FXN: variants seen among roughly 807,000 people sequenced by gnomAD.
FXN encodes the protein frataxin, also known as frataxin, mitochondrial.
Under a neutral mutation model 22.4 loss-of-function variants are expected in FXN, and 14 were observed. The observed-to-expected ratio is 0.62, with a 90% confidence interval of 0.41 to 0.98. The LOEUF (loss-of-function observed/expected upper bound fraction) is 0.98, where lower values mean the gene tolerates loss of function less well. Ranked by LOEUF, FXN falls within the 50% of genes least tolerant of loss-of-function variation. The pLI is 0.00. For synonymous variants in FXN, 120 were observed against 114.1 expected (o/e 1.05, Z -0.33); for missense variants, 267 against 268.4 (o/e 0.99, Z 0.04).
chr9:69,035,992 C>G, intron 1 of FXN, 45 bp downstream of exon 1: 1 of 1,311,150 alleles, frequency 7.6e-7, no homozygotes, highest in East Asian at 3.3e-5. Context: ...ACGCCGCGGG[C>G]CGCACGCCGC....
chr9:69,072,002 G>A (rs1411676), intron 4 of FXN, among the ~76,000 whole-genome samples: 75,057 of 152,036 alleles, frequency 0.49, 18,869 homozygotes, highest in East Asian at 0.65. Flanking sequence ...TGCATGTATC[G>A]TACCATTTCA....
At chr9:69,049,147 G>T (rs543163058) in intron 2 of FXN, among the ~76,000 whole-genome samples, 1 of 152,136 alleles carries the variant, frequency 6.6e-6, no homozygotes, top group African/African-American at 2.4e-5. Flanking sequence ...AAGACAGCCC[G>T]CTTCTGCCAG....
intron 1 of FXN, among the ~76,000 whole-genome samples, chr9:69,038,365 C>G (rs954459615): frequency 1.3e-5 from 2 of 152,146 alleles, no homozygotes; most frequent in East Asian, 3.8e-4. Flanking sequence ...TTCTCCACCC[C>G]TTGCATCTAC....
At position 69,076,860 on chromosome 9, in the gene FXN, A is replaced by T. The variant is rs1381177714; in HGVS notation, c.*4098A>T. 1.0e-6 allele frequency: 1 copy of T among 985,386 alleles called. No homozygotes were observed. The highest frequency in any genetic ancestry group is 1.2e-6 in the Non-Finnish European group (1 of 829,980). 61.0% of individuals were successfully genotyped at this position (985,386 alleles called of 1,614,324 possible). Reference sequence around the variant, plus strand: ...AGGAGGGGCAAAGTTTTGAAATTTCATGTAAATTTATGCTGTTCAAAACGA... The same window carrying T: ...AGGAGGGGCAAAGTTTTGAAATTTCTTGTAAATTTATGCTGTTCAAAACGA... On this transcript the variant is annotated 3_prime_UTR_variant, in exon 5 of 5. Transcript: ENST00000484259.
At chr9:69,071,183 G>A (rs755287106) in intron 4 of FXN, 1 of 519,044 alleles carries the variant, frequency 1.9e-6, no homozygotes, top group South Asian at 1.4e-5. Context: ...CCCGATAGCA[G>A]TATCAGAGTA....
At chr9:69,063,458 A>G (rs558516708) in intron 3 of FXN, among the ~76,000 whole-genome samples, 129 of 152,322 alleles carry the variant, frequency 8.5e-4, no homozygotes, top group African/African-American at 3.0e-3. Flanking sequence ...CAAAGTGCCA[A>G]ACACCAAGCC....
intron 1 of FXN, among the ~76,000 whole-genome samples, chr9:69,041,965 A>G (rs1831665713): frequency 6.6e-6 from 1 of 152,168 alleles, no homozygotes; most frequent in Non-Finnish European, 1.5e-5. Context: ...CATCATGGCC[A>G]GGTGCGGTGG....
Position 69,073,864 on chromosome 9 carries a change from A to G in FXN, c.*1102A>G. On this transcript the variant is annotated 3_prime_UTR_variant, in exon 5 of 5. Coordinates refer to ENST00000484259, the MANE Select transcript of FXN (RefSeq NM_000144.5). ...TTGTTATTGGTGTTGCCCTATCGTGATTTCAGTTGAATTCATGTGAAAATA... is the reference window on the plus strand; with the variant it reads ...TTGTTATTGGTGTTGCCCTATCGTGGTTTCAGTTGAATTCATGTGAAAATA... 8.1e-6 allele frequency: 8 copies of G among 985,350 alleles called. No individual in the cohort carries two copies. The highest frequency in any genetic ancestry group is 9.6e-6 in the Non-Finnish European group (8 of 829,918). 61.0% of individuals were successfully genotyped at this position (985,350 alleles called of 1,614,324 possible).
In FXN at chr9:69,064,249, T is replaced by A. The variant is rs143269111; in HGVS notation, c.385-689T>A. Reference sequence around the variant, plus strand: ...CTTTTGTTGAAAGAGTGTTTTCAAATTTAAATGAGCATTTATTGGTCAAAG... The same window carrying A: ...CTTTTGTTGAAAGAGTGTTTTCAAAATTAAATGAGCATTTATTGGTCAAAG... On this transcript the variant is annotated intron_variant, in intron 3 of 4. Transcript: ENST00000484259. Among the ~76,000 whole-genome samples the A allele has an allele frequency of 1.1e-4, 16 of 152,322 alleles. No homozygotes were observed. In the East Asian group the frequency reaches 3.1e-3, roughly 29 times the overall value.
At chr9:69,037,177 A>C (rs1431720961) in intron 1 of FXN, among the ~76,000 whole-genome samples, 1 of 150,694 alleles carries the variant, frequency 6.6e-6, no homozygotes, top group Non-Finnish European at 1.5e-5. Context: ...TAATCTCAGC[A>C]CTTTGGGAGG....
rs767712381 is a variant in FXN, at chr9:69,053,217, C to T, written c.341C>T (p.Ala114Val). ...DSLAEFFEDL[A>V]DKPYTFEDYD... ...TTAGCAGAGTTTTTTGAAGACCTTG[C>T]AGACAAGCCATACACGTTTGAGGAC... Residue 114 changes from alanine (A) to valine (V), a missense_variant, in exon 3 of 5, where the codon GCA (alanine) becomes GTA (valine). Coordinates refer to ENST00000484259, the MANE Select transcript of FXN (RefSeq NM_000144.5). 61 of 1,613,716 alleles carry T rather than the reference C, an allele frequency of 3.8e-5. No individual in the cohort carries two copies. Among genetic ancestry groups the T allele is most frequent in the Non-Finnish European group, 4.9e-5 (58 of 1,179,880 alleles).
At chr9:69,071,228 G>A (rs780099351) in intron 4 of FXN, 12 of 518,996 alleles carry the variant, frequency 2.3e-5, no homozygotes, top group Middle Eastern at 3.2e-4. Context: ...GCTTGGTGTG[G>A]TTTATTAGTC....
In FXN at chr9:69,041,899, G is replaced by A. The variant is rs185351484; in HGVS notation, c.166-4486G>A. Among the ~76,000 whole-genome samples the A allele has an allele frequency of 5.8e-3, 885 of 152,302 alleles. 31 individuals carry two copies. Among genetic ancestry groups the A allele is most frequent in the Admixed American group, 0.051 (787 of 15,302 alleles). On this transcript the variant is annotated intron_variant, in intron 1 of 4. Transcript: ENST00000484259. ...CATGACTTGTGGTCCAAGGGCTCACGGGTGACCTGGAGTTAGAGGGAGACA... is the reference window on the plus strand; with the variant it reads ...CATGACTTGTGGTCCAAGGGCTCACAGGTGACCTGGAGTTAGAGGGAGACA...
chr9:69,035,752 A>G lies in FXN; in HGVS notation c.-31A>G. 6.7e-7 allele frequency: 1 copy of G among 1,490,524 alleles called. No homozygotes were observed. The highest frequency in any genetic ancestry group is 2.1e-5 in the Admixed American group (1 of 47,100). 92.3% of individuals were successfully genotyped at this position (1,490,524 alleles called of 1,614,324 possible). The stretch of plus-strand genomic sequence containing the variant: ...GGGTCGCCGCAGCACCCAGCGCTGG[A>G]GGGCGGAGCGGGCGGCAGACCCGGA... On this transcript the variant is annotated 5_prime_UTR_variant, in exon 1 of 5. Coordinates refer to ENST00000484259, the MANE Select transcript of FXN (RefSeq NM_000144.5).
At position 69,072,944 on chromosome 9, in the gene FXN, A is replaced by T; in HGVS notation, c.*182A>T. 6.9e-7 allele frequency: 1 copy of T among 1,450,878 alleles called. No individual in the cohort carries two copies. Among genetic ancestry groups the T allele is most frequent in the African/African-American group, 1.4e-5 (1 of 69,908 alleles). 89.9% of individuals were successfully genotyped at this position (1,450,878 alleles called of 1,614,324 possible). On this transcript the variant is annotated 3_prime_UTR_variant, in exon 5 of 5. Transcript: ENST00000484259. ...TGTGTTGCCTCCTACCTTGCCCCCA[A>T]GTTCTGATTTTTAATTTCTATGGAA...
Position 69,035,836 on chromosome 9 carries a change from A to C in FXN, c.54A>C (p.Pro18=). The change falls in exon 1 of 5, where the codon CCA becomes CCC. Residue 18 remains proline, a synonymous_variant. Coordinates refer to ENST00000484259, the MANE Select transcript of FXN (RefSeq NM_000144.5). ...CCGGCCTCCTGGCGTCACCCAGCCCAGCCCAGGCCCAGACCCTCACCCGGG... is the reference window on the plus strand; with the variant it reads ...CCGGCCTCCTGGCGTCACCCAGCCCCGCCCAGGCCCAGACCCTCACCCGGG... ...AVAGLLASPS[P]AQAQTLTRVP... The C allele has an allele frequency of 6.6e-7, 1 of 1,511,632 alleles. No homozygotes were observed. The highest frequency in any genetic ancestry group is 1.2e-5 in the South Asian group (1 of 81,392). 93.6% of individuals were successfully genotyped at this position (1,511,632 alleles called of 1,614,324 possible).
chr9:69,065,467 G>A (rs936407014), intron 4 of FXN, among the ~76,000 whole-genome samples: 2 of 151,746 alleles, frequency 1.3e-5, no homozygotes, highest in Admixed American at 6.6e-5. Flanking sequence ...CCTGAGCCCA[G>A]GAGGTGGAGG....
At chr9:69,040,539 G>C (rs1831638460) in intron 1 of FXN, among the ~76,000 whole-genome samples, 1 of 152,048 alleles carries the variant, frequency 6.6e-6, no homozygotes, top group Non-Finnish European at 1.5e-5. Context: ...GTGGTGACGG[G>C]TGCCTGTAGT....
chr9:69,074,011 C>G lies in FXN; in HGVS notation c.*1249C>G, dbSNP rs1380796930. On this transcript the variant is annotated 3_prime_UTR_variant, in exon 5 of 5. Transcript: ENST00000484259. Reference sequence around the variant, plus strand: ...CCAGCCTGGCCAACATGATGAAACCCCGTCTCTACTAAAAATACAAAAAAT... The same window carrying G: ...CCAGCCTGGCCAACATGATGAAACCGCGTCTCTACTAAAAATACAAAAAAT... The G allele has an allele frequency of 2.6e-6, 1 of 381,164 alleles. No homozygotes were observed. The highest frequency in any genetic ancestry group is 3.6e-6 in the Non-Finnish European group (1 of 277,824). 23.6% of individuals were successfully genotyped at this position (381,164 alleles called of 1,614,324 possible). A position where few individuals can be genotyped will look rare whatever the true frequency, so the allele number is the denominator to read the frequency against.
Sources: gnomAD v4.1 joint callset for allele counts (sites outside exome capture counted in the v4.1 genomes callset) on GRCh38, gnomAD v4.1.1 for gene constraint, MANE v1.5 for transcripts, NCBI Gene and HGNC (gene_info 2026-07-23, HGNC 2026-07-21) for gene names.